The following CFTR variants were observed in gnomAD, a reference collection of about 807,000 sequenced individuals.
CFTR encodes the protein cystic fibrosis transmembrane conductance regulator.
CFTR carries 181 observed loss-of-function variants against 171.6 expected under a neutral mutation model. The ratio of observed to expected loss-of-function variants is 1.05; its 90% CI spans 0.93 to 1.19. CFTR has a LOEUF of 1.19. Among genes scored for constraint, CFTR ranks in the 50% most tolerant of loss-of-function variants. CFTR has a pLI of 0.00. For synonymous variants in CFTR, 583 were observed against 608.0 expected (o/e 0.96, Z 0.60); for missense variants, 1,968 against 1,734.7 (o/e 1.13, Z -2.39).
chr7:117,544,493 T>C (rs1038944013), intron 9 of CFTR, among the ~76,000 whole-genome samples: 2 of 152,200 alleles, frequency 1.3e-5, no homozygotes, highest in African/African-American at 4.8e-5. Context: ...CATATTTGAA[T>C]GTTTCCAACT....
At chr7:117,544,619 G>T (rs908412118) in intron 9 of CFTR, among the ~76,000 whole-genome samples, 1 of 152,160 alleles carries the variant, frequency 6.6e-6, no homozygotes, top group Non-Finnish European at 1.5e-5. Context: ...CAGAACAGGG[G>T]ACCAGCAATT....
At chr7:117,501,766 A>C (rs868067900) in intron 1 of CFTR, among the ~76,000 whole-genome samples, 3 of 149,398 alleles carry the variant, frequency 2.0e-5, no homozygotes, top group South Asian at 4.2e-4. Context: ...AAAAAAAAAA[A>C]AAAAAGAAAC....
chr7:117,517,034 C>T (rs886160574), intron 3 of CFTR, among the ~76,000 whole-genome samples: 1 of 151,920 alleles, frequency 6.6e-6, no homozygotes, highest in Non-Finnish European at 1.5e-5. Context: ...TAGGTATCAA[C>T]AACTCTATAA....
rs144745159 is a variant in CFTR, at chr7:117,587,770, T to C, written c.1616T>C (p.Ile539Thr). 9 of 1,611,640 alleles carry C rather than the reference T, an allele frequency of 5.6e-6. No homozygotes were observed. Among genetic ancestry groups the C allele is most frequent in the African/African-American group, 4.0e-5 (3 of 74,992 alleles). Residue 539 changes from isoleucine to threonine, a missense_variant, in exon 12 of 27, where the codon ATA becomes ACA. By Grantham distance (89) the Ile-to-Thr change is moderately conservative. Transcript: ENST00000003084. ...TCCAAGTTTGCAGAGAAAGACAATA[T>C]AGTTCTTGGAGAAGGTGGAATCACA... ...DISKFAEKDN[I>T]VLGEGGITLS...
chr7:117,538,403 T>C (rs1474278144), intron 7 of CFTR, among the ~76,000 whole-genome samples: 2 of 152,218 alleles, frequency 1.3e-5, no homozygotes, highest in Non-Finnish European at 2.9e-5. Context: ...AATTATATTA[T>C]GGAGAATCTA....
At chr7:117,566,509 C>A (rs183126789) in intron 11 of CFTR, among the ~76,000 whole-genome samples, 22 of 151,984 alleles carry the variant, frequency 1.4e-4, no homozygotes, top group Non-Finnish European at 2.5e-4. Context: ...CACTAAATGA[C>A]TGTACCTTGA....
rs1204743545 is a variant in CFTR, at chr7:117,558,899, G to T, written c.1393-565G>T. 2.0e-5 allele frequency among the ~76,000 whole-genome samples: 3 copies of T among 152,026 alleles called. No individual in the cohort carries two copies. The highest frequency in any genetic ancestry group is 2.9e-5 in the Non-Finnish European group (2 of 68,002). On this transcript the variant is annotated intron_variant, in intron 10 of 26. Coordinates refer to ENST00000003084, the MANE Select transcript of CFTR (RefSeq NM_000492.4). The stretch of plus-strand genomic sequence containing the variant: ...TTTTTCAACTCGAATTCTGCCATTA[G>T]TTTTAATTTTTGTTCACAGTTATAT...
chr7:117,537,136 C>T (rs968319839), intron 7 of CFTR, among the ~76,000 whole-genome samples: 6 of 152,070 alleles, frequency 3.9e-5, no homozygotes, highest in African/African-American at 1.4e-4. Context: ...TTCCTTAACT[C>T]GGGAATGACA....
intron 24 of CFTR, among the ~76,000 whole-genome samples, chr7:117,654,597 T>C (rs1793138776): frequency 1.3e-5 from 2 of 152,164 alleles, no homozygotes; most frequent in African/African-American, 2.4e-5. Context: ...CGAGATCCAA[T>C]GGTTTCATAA....
At chr7:117,498,438 T>C (rs895959851) in intron 1 of CFTR, among the ~76,000 whole-genome samples, 10 of 152,138 alleles carry the variant, frequency 6.6e-5, no homozygotes, top group African/African-American at 2.2e-4. Flanking sequence ...GGGAAATTAG[T>C]AACTTGACCC....
Position 117,525,174 on chromosome 7 carries a change from TGA to T in CFTR, c.274-5720_274-5719del, listed in dbSNP as rs533680834. ...ACATTTAAAATGTGGCTATGTGAGA[TGA>T]GAGAACTATAATATTCCAGGTTTGT... On this transcript the variant is annotated intron_variant, in intron 3 of 26. Transcript: ENST00000003084. Among the ~76,000 whole-genome samples the T allele has an allele frequency of 5.6e-4, 85 of 152,342 alleles. 2 individuals are homozygous for T. In the South Asian group the frequency reaches 0.015, roughly 26 times the overall value.
chr7:117,578,915 T>A (rs920337971), intron 11 of CFTR, among the ~76,000 whole-genome samples: 1 of 149,148 alleles, frequency 6.7e-6, no homozygotes, highest in African/African-American at 2.5e-5. Flanking sequence ...TCAGTCAAAC[T>A]TTTTTTTTTA....
intron 9 of CFTR, among the ~76,000 whole-genome samples, chr7:117,544,150 T>C (rs1799100864): frequency 6.6e-6 from 1 of 152,244 alleles, no homozygotes; most frequent in African/African-American, 2.4e-5. Flanking sequence ...AGCTGCACTC[T>C]CAATTCCCTT....
At chr7:117,514,601 T>C (rs1407123306) in intron 3 of CFTR, among the ~76,000 whole-genome samples, 1 of 152,206 alleles carries the variant, frequency 6.6e-6, no homozygotes, top group East Asian at 1.9e-4. Context: ...CTATTGTAAA[T>C]AGTTCTGCAG....
At chr7:117,513,867 C>T (rs1782140128) in intron 3 of CFTR, among the ~76,000 whole-genome samples, 1 of 152,180 alleles carries the variant, frequency 6.6e-6, no homozygotes, top group Non-Finnish European at 1.5e-5. Context: ...ATATTTTACC[C>T]CATCCTAAAC....
intron 11 of CFTR, among the ~76,000 whole-genome samples, chr7:117,570,500 G>A (rs959002062): frequency 6.6e-6 from 1 of 152,122 alleles, no homozygotes; most frequent in Admixed American, 6.6e-5. Context: ...ACTGGAAGGG[G>A]ATAATGAAAA....
At chr7:117,489,512 T>C (rs1020388527) in intron 1 of CFTR, among the ~76,000 whole-genome samples, 1 of 152,024 alleles carries the variant, frequency 6.6e-6, no homozygotes, top group African/African-American at 2.4e-5. Flanking sequence ...TGTGGCTTAT[T>C]ATTGTTCCCT....
intron 21 of CFTR, among the ~76,000 whole-genome samples, chr7:117,621,380 T>C (rs900783890): frequency 6.6e-6 from 1 of 152,210 alleles, no homozygotes; most frequent in Non-Finnish European, 1.5e-5. Context: ...CTTTGTGGGC[T>C]GTATCGTCTT....
chr7:117,657,658 C>T lies in CFTR; in HGVS notation c.3963+4727C>T, dbSNP rs560866187. The stretch of plus-strand genomic sequence containing the variant: ...GACAAAAGTGCAAAGCAGGACTTTC[C>T]GGGGCAAACCAGGATGTATGTCATC... On this transcript the variant is annotated intron_variant, in intron 24 of 26. Coordinates refer to ENST00000003084, the MANE Select transcript of CFTR (RefSeq NM_000492.4). Among the ~76,000 whole-genome samples, 17 of 152,262 alleles carry T rather than the reference C, an allele frequency of 1.1e-4. No individual in the cohort carries two copies. The East Asian group carries it at 1.7e-3, about 16-fold the overall frequency.
Sources: allele counts gnomAD v4.1 joint callset (sites outside exome capture counted in the v4.1 genomes callset), GRCh38; gene constraint gnomAD v4.1.1; transcripts MANE v1.5; gene names NCBI Gene and HGNC (gene_info 2026-07-23, HGNC 2026-07-21).